The following NRXN3 variants were observed in gnomAD, a reference collection of about 807,000 sequenced individuals.
NRXN3 encodes neurexin III.
In NRXN3, 32 loss-of-function variants were observed where a neutral mutation model predicts 137.6. The ratio of observed to expected loss-of-function variants is 0.23; its 90% CI spans 0.18 to 0.31. NRXN3 has a LOEUF of 0.31. Ranked by LOEUF, NRXN3 falls within the 10% of genes least tolerant of loss-of-function variation. The pLI is 1.00. For synonymous variants in NRXN3, 798 were observed against 784.5 expected (o/e 1.02, Z -0.29); for missense variants, 1,574 against 2,062.5 (o/e 0.76, Z 4.59).
chr14:79,608,282 G>T (rs1266007710), intron 16 of NRXN3, among the ~76,000 whole-genome samples: 1 of 152,144 alleles, frequency 6.6e-6, no homozygotes, highest in Non-Finnish European at 1.5e-5. Flanking sequence ...TGGCCTTAGG[G>T]TAAGCTTATG....
Position 78,903,147 on chromosome 14 carries a change from C to CTTTTTTTT in NRXN3, c.2276-54085_2276-54078dup, listed in dbSNP as rs965920523. On this transcript the variant is annotated intron_variant, in intron 10 of 20. Coordinates refer to ENST00000335750, the MANE Select transcript of NRXN3 (RefSeq NM_001330195.2). ...GAAATAAACAATGAAGTTTCATCTTCTTTTTTTTTTTTTTTTTCTGAGACA... is the reference window on the plus strand; with the variant it reads ...GAAATAAACAATGAAGTTTCATCTTCTTTTTTTTTTTTTTTTTTTTTTTTTCTGAGACA... Among the ~76,000 whole-genome samples the CTTTTTTTT allele has an allele frequency of 1.9e-3, 229 of 121,382 alleles. 4 individuals are homozygous for CTTTTTTTT. The highest frequency in any genetic ancestry group is 0.011 in the East Asian group (44 of 3,894). 79.6% of individuals were successfully genotyped at this position (121,382 alleles called of 152,430 possible). A position where few individuals can be genotyped will look rare whatever the true frequency, so the allele number is the denominator to read the frequency against.
chr14:78,241,812 A>G (rs954521983), intron 1 of NRXN3, among the ~76,000 whole-genome samples: 4 of 152,002 alleles, frequency 2.6e-5, no homozygotes, highest in Admixed American at 2.6e-4. Context: ...TTTTTTTAGA[A>G]GGAATAAAAT....
chr14:79,735,200 C>A (rs1187745747), intron 19 of NRXN3, among the ~76,000 whole-genome samples: 2 of 152,144 alleles, frequency 1.3e-5, no homozygotes, highest in Non-Finnish European at 2.9e-5. Context: ...GTTTCAAGTC[C>A]AGGACCTTGG....
rs114593170 is a variant in NRXN3, at chr14:78,287,942, T to C, written c.727+9280T>C. 6.5e-3 allele frequency among the ~76,000 whole-genome samples: 994 copies of C among 152,258 alleles called. 10 individuals carry two copies. The highest frequency in any genetic ancestry group is 0.023 in the African/African-American group (951 of 41,536). On this transcript the variant is annotated intron_variant, in intron 3 of 20. Transcript: ENST00000335750. ...ACCACATACAGTATTATGAGTATGA[T>C]TGGGATCAGTTCAGTTCATTATAGA... is the stretch of plus-strand genomic sequence containing the variant.
At chr14:79,490,038 C>CAAA (rs370581169) in intron 16 of NRXN3, among the ~76,000 whole-genome samples, 19,923 of 72,346 alleles carry the variant, frequency 0.28, 2,406 homozygotes, top group Non-Finnish European at 0.37. Flanking sequence ...TACTCCATCT[C>CAAA]AAAAAAAAAA....
At chr14:78,915,383 A>G (rs1378473075) in intron 10 of NRXN3, among the ~76,000 whole-genome samples, 1 of 150,568 alleles carries the variant, frequency 6.6e-6, no homozygotes, top group Non-Finnish European at 1.5e-5. Context: ...CCACACAGAA[A>G]AAAAACAAGC....
intron 15 of NRXN3, among the ~76,000 whole-genome samples, chr14:79,272,463 A>T (rs186455845): frequency 3.3e-5 from 5 of 152,304 alleles, no homozygotes; most frequent in African/African-American, 7.2e-5. Context: ...ATAATAATGA[A>T]ATACTACATA....
chr14:78,656,466 A>G (rs1485209417), intron 6 of NRXN3, among the ~76,000 whole-genome samples: 1 of 152,048 alleles, frequency 6.6e-6, no homozygotes, highest in Non-Finnish European at 1.5e-5. Context: ...GAACTTACAA[A>G]CAGCTTGCTA....
chr14:78,272,177 A>G lies in NRXN3; in HGVS notation c.710-6468A>G, dbSNP rs188116669. Reference sequence around the variant, plus strand: ...TTGAGGGCCTGAGGCAAGACTATACATGGAGGCCAGTGGCCAGCCTCCCTT... The same window carrying G: ...TTGAGGGCCTGAGGCAAGACTATACGTGGAGGCCAGTGGCCAGCCTCCCTT... On this transcript the variant is annotated intron_variant, in intron 2 of 20. Transcript: ENST00000335750. 1.1e-4 allele frequency among the ~76,000 whole-genome samples: 17 copies of G among 152,188 alleles called. No homozygotes were observed. In the East Asian group the frequency reaches 2.1e-3, roughly 19 times the overall value.
At chr14:79,562,977 C>T (rs1356476576) in intron 16 of NRXN3, among the ~76,000 whole-genome samples, 2 of 152,150 alleles carry the variant, frequency 1.3e-5, no homozygotes, top group East Asian at 3.9e-4. Flanking sequence ...TATGGTAATC[C>T]ACAATAGATG....
At chr14:79,227,471 C>G (rs1350771277) in intron 15 of NRXN3, among the ~76,000 whole-genome samples, 1 of 152,230 alleles carries the variant, frequency 6.6e-6, no homozygotes, top group South Asian at 2.1e-4. Context: ...TTGGCTATGA[C>G]TCAACTTTTT....
intron 15 of NRXN3, among the ~76,000 whole-genome samples, chr14:79,381,791 C>T (rs2094477550): frequency 6.6e-6 from 1 of 152,096 alleles, no homozygotes; most frequent in Non-Finnish European, 1.5e-5. Context: ...TTCCATGAAA[C>T]ATTAGGAAAA....
chr14:79,527,418 A>C (rs573001324), intron 16 of NRXN3, among the ~76,000 whole-genome samples: 1 of 151,844 alleles, frequency 6.6e-6, no homozygotes, highest in Non-Finnish European at 1.5e-5. Flanking sequence ...TTGTGGATGG[A>C]AAGTGGTCTC....
chr14:79,296,720 G>A (rs1290239169), intron 15 of NRXN3, among the ~76,000 whole-genome samples: 1 of 152,192 alleles, frequency 6.6e-6, no homozygotes, highest in East Asian at 1.9e-4. Context: ...AGGCTGAGAA[G>A]TTGATGCTTA....
intron 8 of NRXN3, among the ~76,000 whole-genome samples, chr14:78,738,007 G>A (rs1033995200): frequency 4.6e-5 from 7 of 152,088 alleles, no homozygotes; most frequent in African/African-American, 7.2e-5. Context: ...CCTCAGCATC[G>A]GGCTAAAAAA....
At chr14:78,734,204 G>A (rs965398791) in intron 8 of NRXN3, among the ~76,000 whole-genome samples, 2 of 105,158 alleles carry the variant, frequency 1.9e-5, no homozygotes, top group Admixed American at 2.3e-4. Context: ...ATCTGCATCT[G>A]AAACACACAC....
At chr14:79,037,294 C>T (rs1027191609) in intron 15 of NRXN3, among the ~76,000 whole-genome samples, 4 of 152,080 alleles carry the variant, frequency 2.6e-5, no homozygotes, top group Admixed American at 6.6e-5. Context: ...TGCTCAAATA[C>T]ACAGGCAGAA....
At chr14:78,193,646 C>T (rs2060947567) in intron 1 of NRXN3, among the ~76,000 whole-genome samples, 1 of 151,446 alleles carries the variant, frequency 6.6e-6, no homozygotes, top group South Asian at 2.1e-4. Flanking sequence ...CCTGTAACTC[C>T]AGCTACTCAG....
intron 10 of NRXN3, among the ~76,000 whole-genome samples, chr14:78,942,414 C>T (rs1313313376): frequency 3.3e-5 from 5 of 152,068 alleles, no homozygotes; most frequent in Admixed American, 6.5e-5. Flanking sequence ...ATCTGGAGCC[C>T]ATATGTCAGA....
Sources: gnomAD v4.1 joint callset for allele counts (sites outside exome capture counted in the v4.1 genomes callset) on GRCh38, gnomAD v4.1.1 for gene constraint, MANE v1.5 for transcripts, NCBI Gene and HGNC (gene_info 2026-07-23, HGNC 2026-07-21) for gene names.